NFS1: variants seen among roughly 807,000 people sequenced by gnomAD.
The protein encoded by NFS1 is cysteine desulfurase.
Under a neutral mutation model 57.3 loss-of-function variants are expected in NFS1, and 26 were observed. The observed-to-expected ratio is 0.45, with a 90% CI of 0.33 to 0.63. NFS1 has a LOEUF of 0.63. Among genes scored for constraint, NFS1 ranks in the 20% least tolerant of loss-of-function variants. NFS1 has a pLI of 0.02. For missense variants in NFS1, 505 were observed against 605.8 expected (o/e 0.83, Z 1.75); for synonymous variants, 209 against 216.3 (o/e 0.97, Z 0.30).
At chr20:35,697,019 CT>C (rs1416898740) in intron 3 of NFS1, among the ~76,000 whole-genome samples, 2 of 152,112 alleles carry the variant, frequency 1.3e-5, no homozygotes, top group Non-Finnish European at 2.9e-5. Flanking sequence ...GGTAGGAGAA[CT>C]GCTTGAACCC....
intron 4 of NFS1, chr20:35,692,400 A>T (rs758434276): frequency 7.1e-5 from 9 of 127,192 alleles, no homozygotes; most frequent in Middle Eastern, 4.3e-3. Context: ...TTAATTAATT[A>T]AAAAAAAAAA....
intron 7 of NFS1, among the ~76,000 whole-genome samples, chr20:35,679,356 T>G (rs1383329120): frequency 6.6e-6 from 1 of 152,054 alleles, no homozygotes; most frequent in Non-Finnish European, 1.5e-5. Context: ...GCTAATTTTT[T>G]TATTTTTAGT....
Position 35,674,367 on chromosome 20 carries a change from A to G in NFS1, c.1119T>C (p.Val373=). 6.2e-7 allele frequency: 1 copy of G among 1,614,126 alleles called. No individual in the cohort carries two copies. Among genetic ancestry groups the G allele is most frequent in the Non-Finnish European group, 8.5e-7 (1 of 1,180,004 alleles). ...GESLLMALKD[V]ALSSGSACTS... ...CAGCTCACCTCCCTGAGGATAAGGC[A>G]ACGTCCTTCAGTGCCATCAGCAGAC... The change falls in exon 10 of 13, where the codon GTT becomes GTC. Residue 373 remains valine (V), a synonymous_variant. Coordinates refer to ENST00000374092, the MANE Select transcript of NFS1 (RefSeq NM_021100.5).
Position 35,670,802 on chromosome 20 carries a change from G to A in NFS1, c.1311-1117C>T, listed in dbSNP as rs73616692. 6.4e-3 allele frequency among the ~76,000 whole-genome samples: 969 copies of A among 152,298 alleles called. 8 individuals carry two copies. The highest frequency in any genetic ancestry group is 0.04 in the East Asian group (210 of 5,188). ...CAGAATACCAGAAAGTGAGGACAAA[G>A]GAAGGGTCCTGCAGTTGAGCAAGCT... On this transcript the variant is annotated intron_variant, in intron 12 of 12. Transcript: ENST00000374092.
chr20:35,673,627 A>C lies in NFS1; in HGVS notation c.1194T>G (p.Asp398Glu), dbSNP rs1320790316. The change falls in exon 11 of 13, where the codon GAT becomes GAG. Residue 398 changes from aspartate (D) to glutamate (E), a missense_variant. Asp to Glu is a conservative substitution (Grantham distance 45). Transcript: ENST00000374092. ...TGATAGAAGAGTGCGCTAAATCCTC[A>C]TCAGTGCCAATTGCTCTAAGCACAT... ...PSYVLRAIGT[D>E]EDLAHSSIRF... 1 of 1,614,034 alleles carries C rather than the reference A, an allele frequency of 6.2e-7. No homozygotes were observed. Among genetic ancestry groups the C allele is most frequent in the Non-Finnish European group, 8.5e-7 (1 of 1,179,948 alleles).
intron 4 of NFS1, among the ~76,000 whole-genome samples, chr20:35,691,066 C>A (rs919521563): frequency 6.6e-6 from 1 of 152,028 alleles, no homozygotes; most frequent in African/African-American, 2.4e-5. Flanking sequence ...GGGGGCAGGG[C>A]ATATATAGGA....
At chr20:35,678,625 C>G (rs911258744) in intron 7 of NFS1, among the ~76,000 whole-genome samples, 2 of 151,894 alleles carry the variant, frequency 1.3e-5, no homozygotes, top group Non-Finnish European at 2.9e-5. Flanking sequence ...ATCCCTTCAA[C>G]CTGGGAGGCA....
chr20:35,690,345 A>G, intron 5 of NFS1, 68 bp downstream of exon 5: 12 of 1,505,332 alleles, frequency 8.0e-6, no homozygotes, highest in South Asian at 1.2e-5. Context: ...CTAGGGCCCA[A>G]GAGAGAAATT....
At position 35,694,083 on chromosome 20, in the gene NFS1, C is replaced by G. The variant is rs144600179; in HGVS notation, c.408+2294G>C. ...ATTGCTTGAGTCCAGGAGTTCAAGG[C>G]TCCAGTGAGCTGTGATTGTGCAACT... On this transcript the variant is annotated intron_variant, in intron 4 of 12. Transcript: ENST00000374092. Among the ~76,000 whole-genome samples, 43 of 151,798 alleles carry G rather than the reference C, an allele frequency of 2.8e-4. 1 individual carries two copies. Among genetic ancestry groups the G allele is most frequent in the African/African-American group, 1.0e-3 (42 of 41,396 alleles).
chr20:35,690,695 T>C, intron 4 of NFS1, 130 bp from the exon 5 acceptor site: 2 of 859,370 alleles, frequency 2.3e-6, no homozygotes, highest in Non-Finnish European at 3.7e-6. Context: ...ACCAACTGAG[T>C]ATCCTATAAT....
intron 5 of NFS1, among the ~76,000 whole-genome samples, chr20:35,689,827 A>G (rs1342001111): frequency 6.7e-6 from 1 of 149,592 alleles, no homozygotes; most frequent in East Asian, 2.0e-4. Flanking sequence ...AGTCCCAGCT[A>G]CTCAGGAGGC....
At chr20:35,690,697 T>G in intron 4 of NFS1, 132 bp from the exon 5 acceptor site, 2 of 849,000 alleles carry the variant, frequency 2.4e-6, no homozygotes, top group South Asian at 3.3e-5. Flanking sequence ...CAACTGAGTA[T>G]CCTATAATTC....
At chr20:35,690,280 G>A in intron 5 of NFS1, 133 bp downstream of exon 5, 1 of 832,828 alleles carries the variant, frequency 1.2e-6, no homozygotes, top group Non-Finnish European at 1.9e-6. Context: ...TTCTCTGCCA[G>A]GCTTATTTCT....
chr20:35,673,719 C>T, intron 10 of NFS1, 35 bp from the exon 11 acceptor site: 1 of 1,534,010 alleles, frequency 6.5e-7, no homozygotes, highest in Non-Finnish European at 9.0e-7. Context: ...TTCAGTTCAT[C>T]ATCAACGTCT....
Position 35,669,701 on chromosome 20 carries a change from G to A in NFS1, c.1311-16C>T, listed in dbSNP as rs755282864. Reference sequence around the variant, plus strand: ...CCAGAGAGGGCTGCCAAAGAGAAGAGGCATTAAATGAGTGAGGGCTTAGAT... The same window carrying A: ...CCAGAGAGGGCTGCCAAAGAGAAGAAGCATTAAATGAGTGAGGGCTTAGAT... On this transcript the variant is annotated splice_polypyrimidine_tract_variant and intron_variant, in intron 12 of 12. Transcript: ENST00000374092. 9 of 1,612,984 alleles carry A rather than the reference G, an allele frequency of 5.6e-6. No individual in the cohort carries two copies. In the Admixed American group the frequency reaches 1.5e-4, roughly 27 times the overall value.
At chr20:35,693,228 G>A (rs780918361) in intron 4 of NFS1, among the ~76,000 whole-genome samples, 3 of 151,714 alleles carry the variant, frequency 2.0e-5, no homozygotes, top group Non-Finnish European at 4.4e-5. Context: ...TCAGCCTCCC[G>A]AGTAGCTGGG....
chr20:35,691,860 C>G (rs532393428), intron 4 of NFS1, among the ~76,000 whole-genome samples: 1 of 150,776 alleles, frequency 6.6e-6, no homozygotes. Flanking sequence ...ACCAGCCTGA[C>G]GAACATGGTG....
At chr20:35,676,284 TA>T (rs879356865) in intron 7 of NFS1, 414 of 138,494 alleles carry the variant, frequency 3.0e-3, no homozygotes, top group Middle Eastern at 7.8e-3. Flanking sequence ...AAACTCCGTC[TA>T]AAAAAAAAAA....
In NFS1 at chr20:35,674,606, C is replaced by T. The variant is rs950585488; in HGVS notation, c.960G>A (p.Lys320=). The T allele has an allele frequency of 6.2e-7, 1 of 1,613,970 alleles. No homozygotes were observed. The highest frequency in any genetic ancestry group is 8.5e-7 in the Non-Finnish European group (1 of 1,179,852). ...GCCGCTCTGACAACTTTGAGATTCG[C>T]TTGTGGTCATACTAAGGAGCAGGCA... ...VAQQEMEYDH[K]RISKLSERLI... is the part of the protein sequence containing the mutation. The change falls in exon 9 of 13, where the codon AAG becomes AAA. Residue 320 remains lysine (K), a synonymous_variant. Transcript: ENST00000374092.
Sources: gnomAD v4.1 joint callset for allele counts (sites outside exome capture counted in the v4.1 genomes callset) on GRCh38, gnomAD v4.1.1 for gene constraint, MANE v1.5 for transcripts, NCBI Gene and HGNC (gene_info 2026-07-23, HGNC 2026-07-21) for gene names.